SPPL2B: variants seen among roughly 807,000 people sequenced by gnomAD.
SPPL2B encodes signal peptide peptidase like 2B, also known as signal peptide peptidase-like 2B.
Under a neutral mutation model 59.7 loss-of-function variants are expected in SPPL2B, and 39 were observed. The observed-to-expected ratio is 0.65, with a 90% CI of 0.51 to 0.85. The LOEUF (loss-of-function observed/expected upper bound fraction) is 0.85. SPPL2B is among the 40% of genes least tolerant of loss of function. The pLI is 0.00. For missense variants in SPPL2B, 865 were observed against 849.0 expected, an observed-to-expected ratio of 1.02 and a Z score of -0.23; for synonymous variants, 419 against 370.8, an observed-to-expected ratio of 1.13 and a Z score of -1.49.
At chr19:2,346,476 G>T (rs1448446447) in intron 13 of SPPL2B, among the ~76,000 whole-genome samples, 9 of 152,202 alleles carry the variant, frequency 5.9e-5, no homozygotes, top group Non-Finnish European at 1.3e-4. Flanking sequence ...GACCAGCCTG[G>T]GCAACATAGT....
chr19:2,339,308 G>T, intron 5 of SPPL2B, 100 bp downstream of exon 5: 1 of 1,350,554 alleles, frequency 7.4e-7, no homozygotes, highest in Non-Finnish European at 1.0e-6. Context: ...CTTTGGCCTC[G>T]GCAGGCACGG....
At position 2,349,913 on chromosome 19, in the gene SPPL2B, TTCTC is replaced by T. The variant is rs375025157; in HGVS notation, c.1355-1514_1355-1511del. Among the ~76,000 whole-genome samples the T allele has an allele frequency of 5.0e-5, 7 of 140,708 alleles. No homozygotes were observed. In the East Asian group the frequency reaches 9.2e-4, roughly 18 times the overall value. 92.3% of individuals were successfully genotyped at this position (140,708 alleles called of 152,430 possible). On this transcript the variant is annotated intron_variant, in intron 13 of 14. Coordinates refer to ENST00000613503, the MANE Select transcript of SPPL2B (RefSeq NM_152988.3). ...TCGCGCCCTCATTCGCTTGATTCCA[TTCTC>T]TCTCTCCACACACACTCACATGCTC...
intron 8 of SPPL2B, chr19:2,341,482 C>A: frequency 2.2e-6 from 1 of 445,592 alleles, no homozygotes; most frequent in Non-Finnish European, 4.6e-6. Context: ...CCACGCTCAC[C>A]TCCCACGTGG....
intron 2 of SPPL2B, 129 bp from the exon 3 acceptor site, chr19:2,337,314 G>A (rs967532618): frequency 1.8e-5 from 16 of 876,500 alleles, no homozygotes; most frequent in Admixed American, 5.8e-5. Flanking sequence ...TAGGTGGGCC[G>A]AGGCCGTGCG....
At chr19:2,335,931 G>A (rs982509465) in intron 2 of SPPL2B, among the ~76,000 whole-genome samples, 19 of 152,398 alleles carry the variant, frequency 1.2e-4, no homozygotes, top group Middle Eastern at 6.8e-3. Context: ...ATGTGAGTTT[G>A]CATCAGTGTA....
intron 2 of SPPL2B, among the ~76,000 whole-genome samples, chr19:2,336,959 C>T (rs1599209288): frequency 7.6e-6 from 1 of 132,288 alleles, no homozygotes; most frequent in South Asian, 2.5e-4. Flanking sequence ...TGGCTGTGGA[C>T]GTGTGCTTGT....
At position 2,343,260 on chromosome 19, in the gene SPPL2B, A is replaced by G. The variant is rs1411697944; in HGVS notation, c.1006A>G (p.Met336Val). The G allele has an allele frequency of 1.3e-6, 2 of 1,555,878 alleles. No individual in the cohort carries two copies. The highest frequency in any genetic ancestry group is 2.4e-5 in the East Asian group (1 of 41,406). Residue 336 changes from methionine to valine, a missense_variant, in exon 9 of 15, where the codon ATG becomes GTG. Coordinates refer to ENST00000613503, the MANE Select transcript of SPPL2B (RefSeq NM_152988.3). ...DALGIAFCLY[M>V]LKTIRLPTFK... ...CCTGGGCATCGCCTTCTGCCTCTAC[A>G]TGCTGAAGACCATCCGTCTGCCCAC...
intron 7 of SPPL2B, chr19:2,340,604 C>T (rs1009577293): frequency 3.5e-5 from 19 of 548,356 alleles, no homozygotes; most frequent in Non-Finnish European, 6.6e-6. Flanking sequence ...TGTTGCCGTC[C>T]CTGGGTGAGG....
chr19:2,343,412 A>G (rs1055542409), intron 9 of SPPL2B, 120 bp downstream of exon 9: 9 of 851,190 alleles, frequency 1.1e-5, no homozygotes, highest in Non-Finnish European at 1.3e-5. Context: ...TGCCCTGGGG[A>G]TGGCCGCCTA....
At chr19:2,345,352 G>A (rs376240147) in intron 13 of SPPL2B, 22 bp downstream of exon 13, 16 of 1,607,036 alleles carry the variant, frequency 1.0e-5, no homozygotes, top group African/African-American at 1.3e-5. Flanking sequence ...GGTTGGGCCC[G>A]TGCTGGCCTC....
At chr19:2,334,186 C>G (rs995698563) in intron 1 of SPPL2B, among the ~76,000 whole-genome samples, 1 of 152,216 alleles carries the variant, frequency 6.6e-6, no homozygotes, top group Non-Finnish European at 1.5e-5. Flanking sequence ...CCCGCCCAGG[C>G]TGGGGGCCAG....
At position 2,331,724 on chromosome 19, in the gene SPPL2B, G is replaced by C. The variant is rs116794420; in HGVS notation, c.67-2878G>C. On this transcript the variant is annotated intron_variant, in intron 1 of 14. Coordinates refer to ENST00000613503, the MANE Select transcript of SPPL2B (RefSeq NM_152988.3). ...AAAGACACTTTTCACCAGAGTCCCT[G>C]ATCCCATAGAACAGAGCTTGGCAAG... Among the ~76,000 whole-genome samples the C allele has an allele frequency of 4.0e-3, 614 of 152,340 alleles. 4 individuals are homozygous for C. Among genetic ancestry groups the C allele is most frequent in the African/African-American group, 0.014 (574 of 41,576 alleles).
In SPPL2B at chr19:2,338,855, G is replaced by T. The variant is rs758376483; in HGVS notation, c.459+14G>T. The T allele has an allele frequency of 6.2e-7, 1 of 1,611,338 alleles. No individual in the cohort carries two copies. The highest frequency in any genetic ancestry group is 1.1e-5 in the South Asian group (1 of 90,946). Reference sequence around the variant, plus strand: ...GACATCTTCACGGTAGGTCTGCGCCGGCTCAGACCCACGCTCCCGAGGAGA... The same window carrying T: ...GACATCTTCACGGTAGGTCTGCGCCTGCTCAGACCCACGCTCCCGAGGAGA... On this transcript the variant is annotated intron_variant, in intron 4 of 14. Coordinates refer to ENST00000613503, the MANE Select transcript of SPPL2B (RefSeq NM_152988.3).
intron 13 of SPPL2B, among the ~76,000 whole-genome samples, chr19:2,348,254 ACACT>A (rs376933294): frequency 1.2e-4 from 13 of 108,660 alleles, no homozygotes; most frequent in Admixed American, 2.0e-4. Context: ...CTCTCCACAC[ACACT>A]CACGCACTCT....
rs550596520 is a variant in SPPL2B at position 2,345,424 on chromosome 19, C to G, written c.1354+94C>G. On this transcript the variant is annotated intron_variant, in intron 13 of 14. Coordinates refer to ENST00000613503, the MANE Select transcript of SPPL2B (RefSeq NM_152988.3). Reference sequence around the variant, plus strand: ...TGACCCTGACCCCTAACCCCAACCCCAACCCTAACCCTAATTCCAACTCTA... The same window carrying G: ...TGACCCTGACCCCTAACCCCAACCCGAACCCTAACCCTAATTCCAACTCTA... 252 of 1,016,040 alleles carry G rather than the reference C, an allele frequency of 2.5e-4. No individual in the cohort carries two copies. In the African/African-American group the frequency reaches 3.4e-3, roughly 14 times the overall value. 62.9% of individuals were successfully genotyped at this position (1,016,040 alleles called of 1,614,324 possible).
Position 2,354,942 on chromosome 19 carries a change from A to G in SPPL2B, c.*1733A>G, listed in dbSNP as rs1015276240. 1.3e-5 allele frequency: 2 copies of G among 152,304 alleles called. No individual in the cohort carries two copies. The highest frequency in any genetic ancestry group is 4.8e-5 in the African/African-American group (2 of 41,456). The allele number at this position is 152,304 out of a possible 1,614,324, so 9.4% of individuals were successfully genotyped here. On this transcript the variant is annotated 3_prime_UTR_variant, in exon 15 of 15. Transcript: ENST00000613503. ...TGGAATTGCCACCGCAGGGCCGGCC[A>G]GTGCTGTGAGGTGCCCAGCGTCACT...
At chr19:2,331,631 T>A (rs1488643641) in intron 1 of SPPL2B, among the ~76,000 whole-genome samples, 1 of 152,204 alleles carries the variant, frequency 6.6e-6, no homozygotes, top group Non-Finnish European at 1.5e-5. Flanking sequence ...TGAATGTGCT[T>A]TTGTGCTTTT....
At chr19:2,340,206 C>T in intron 7 of SPPL2B, 34 bp downstream of exon 7, 1 of 1,486,166 alleles carries the variant, frequency 6.7e-7, no homozygotes, top group Non-Finnish European at 9.0e-7. Flanking sequence ...ACGTGCCTGA[C>T]TCTGTGCGGT....
chr19:2,333,059 T>C (rs112545595), intron 1 of SPPL2B, among the ~76,000 whole-genome samples: 306 of 16,586 alleles, frequency 0.018, 12 homozygotes, highest in Non-Finnish European at 0.022. Context: ...ATGGCAGGTG[T>C]GGGCGGCTGG....
Sources: allele counts gnomAD v4.1 joint callset (sites outside exome capture counted in the v4.1 genomes callset), GRCh38; gene constraint gnomAD v4.1.1; transcripts MANE v1.5; gene names NCBI Gene and HGNC (gene_info 2026-07-23, HGNC 2026-07-21).